ABCA7: variants seen among roughly 807,000 people sequenced by gnomAD.
ABCA7 encodes phospholipid-transporting ATPase ABCA7.
ABCA7 carries 261 observed loss-of-function variants against 227.6 expected under a neutral mutation model. The observed-to-expected ratio is 1.15, with a 90% confidence interval of 1.04 to 1.27. The LOEUF (loss-of-function observed/expected upper bound fraction) is 1.27. ABCA7 is among the 50% of genes most tolerant of loss of function. The pLI, the probability that ABCA7 is intolerant of heterozygous loss-of-function variation, is 0.00. For missense variants in ABCA7, 3,331 were observed against 2,924.5 expected (o/e 1.14, Z -3.21); for synonymous variants, 1,488 against 1,279.7 (o/e 1.16, Z -3.47).
Position 1,051,309 on chromosome 19 carries a change from A to G in ABCA7, c.2824+15A>G, listed in dbSNP as rs201158610. 8 of 1,581,872 alleles carry G rather than the reference A, an allele frequency of 5.1e-6. No homozygotes were observed. Among genetic ancestry groups the G allele is most frequent in the African/African-American group, 1.4e-5 (1 of 74,032 alleles). ...CCACCTCTCTGGTGAGCCCATCCCC[A>G]AGGGAGGTCACCTCACAGGGAGGGG... On this transcript the variant is annotated intron_variant, in intron 20 of 46. Transcript: ENST00000263094.
chr19:1,058,982 A>G, intron 39 of ABCA7, 41 bp from the exon 40 acceptor site: 1 of 1,613,290 alleles, frequency 6.2e-7, no homozygotes, highest in South Asian at 1.1e-5. Flanking sequence ...GGGTGCTCCC[A>G]CTGGCCCACT....
At position 1,046,219 on chromosome 19, in the gene ABCA7, C is replaced by T. The variant is rs1159407473; in HGVS notation, c.1446-11C>T. The T allele has an allele frequency of 3.7e-6, 6 of 1,605,378 alleles. No individual in the cohort carries two copies. Among genetic ancestry groups the T allele is most frequent in the Non-Finnish European group, 5.1e-6 (6 of 1,179,198 alleles). On this transcript the variant is annotated splice_polypyrimidine_tract_variant and intron_variant, in intron 12 of 46. Transcript: ENST00000263094. ...CCTTCCCTACAACCGGCCACCATGCCCCTCTCGCAGGTTTTGGGACCCTGG... is the reference window on the plus strand; with the variant it reads ...CCTTCCCTACAACCGGCCACCATGCTCCTCTCGCAGGTTTTGGGACCCTGG...
At chr19:1,060,947 G>C (rs1252846169) in intron 40 of ABCA7, among the ~76,000 whole-genome samples, 1 of 152,162 alleles carries the variant, frequency 6.6e-6, no homozygotes, top group Admixed American at 6.5e-5. Context: ...CCTGATATTT[G>C]TTGAGCACTG....
intron 13 of ABCA7, 137 bp downstream of exon 13, chr19:1,046,543 GC>G: frequency 7.8e-7 from 1 of 1,285,344 alleles, no homozygotes; most frequent in Non-Finnish European, 1.1e-6. Flanking sequence ...CACGTGACCT[GC>G]TGCAGCGGGA....
chr19:1,052,350 G>A, intron 23 of ABCA7, 64 bp downstream of exon 23: 2 of 1,367,442 alleles, frequency 1.5e-6, no homozygotes, highest in South Asian at 1.3e-5. Context: ...TTAACTTGAG[G>A]AGGAGGAGGG....
At position 1,056,115 on chromosome 19, in the gene ABCA7, C is replaced by T. The variant is rs776450580; in HGVS notation, c.4288C>T (p.Gln1430Ter). 1.2e-6 allele frequency: 2 copies of T among 1,608,150 alleles called. No homozygotes were observed. The highest frequency in any genetic ancestry group is 1.7e-5 in the Admixed American group (1 of 59,828). ...CCGAGACCCAGGCCTGCCCTCGGGC[C>T]AAGAGTTGGGCCGCTCAGTGGAGGA... ...GGRDPGLPSGQELGRSVEELW... is the reference protein window; with the variant it reads ...GGRDPGLPSG The change falls in exon 32 of 47, where the codon CAA becomes TAA. Residue 1430 changes from glutamine to a stop codon, truncating the protein, a stop_gained. Transcript: ENST00000263094. LOFTEE classifies it high-confidence loss of function. The surrounding 1 kb of genome is among the most constrained non-coding windows in gnomAD (Gnocchi z 4.3).
Position 1,063,578 on chromosome 19 carries a change from C to T in ABCA7, c.5747C>T (p.Ser1916Leu), listed in dbSNP as rs1158235129. ...TCGGGCCTGGCGCGTCTGGGACTCT[C>T]ATGGTACGCAGACCGGCCTGCAGGC... ...AGSGLARLGL[S>L]WYADRPAGTY... Residue 1916 changes from serine (S) to leucine (L), a missense_variant, in exon 43 of 47, where the codon TCA (serine) becomes TTA (leucine). By Grantham distance (145) the Ser-to-Leu change is moderately radical (BLOSUM62 -2). Coordinates refer to ENST00000263094, the MANE Select transcript of ABCA7 (RefSeq NM_019112.4). 3.1e-6 allele frequency: 5 copies of T among 1,611,190 alleles called. No homozygotes were observed. Among genetic ancestry groups the T allele is most frequent in the Middle Eastern group, 1.7e-4 (1 of 6,054 alleles).
Position 1,047,343 on chromosome 19 carries a change from C to A in ABCA7, c.2032C>A (p.Arg678=). Reference sequence around the variant, plus strand: ...GCCCTACGTGCTGTGTGTGGCTTGGCGGGACCGGCTGCCCGCGGGTGGCCG... The same window carrying A: ...GCCCTACGTGCTGTGTGTGGCTTGGAGGGACCGGCTGCCCGCGGGTGGCCG... ...YLPYVLCVAW[R]DRLPAGGRVA... is the part of the protein sequence containing the mutation. Residue 678 remains arginine (R), a synonymous_variant, in exon 15 of 47, where the codon CGG becomes AGG. Coordinates refer to ENST00000263094, the MANE Select transcript of ABCA7 (RefSeq NM_019112.4). 6.3e-7 allele frequency: 1 copy of A among 1,583,662 alleles called. No homozygotes were observed.
At chr19:1,052,326 G>GGGGT in intron 23 of ABCA7, 40 bp downstream of exon 23, 3 of 1,522,888 alleles carry the variant, frequency 2.0e-6, no homozygotes, top group Non-Finnish European at 2.6e-6. Context: ...GGTGGGCAGT[G>GGGGT]GGGTGGCTGT....
chr19:1,064,396 G>A (rs2042896691), intron 45 of ABCA7, 143 bp downstream of exon 45: 2 of 986,480 alleles, frequency 2.0e-6, no homozygotes, highest in Non-Finnish European at 2.9e-6. Flanking sequence ...GTCCTGCAGG[G>A]GTGACTGAGG....
intron 12 of ABCA7, 83 bp downstream of exon 12, chr19:1,045,314 A>G (rs2040511020): frequency 2.3e-6 from 3 of 1,282,654 alleles, no homozygotes; most frequent in Middle Eastern, 2.6e-4. Context: ...CATTCAGCCT[A>G]TTGGAGACCA....
rs1188921494 is a variant in ABCA7 at position 1,046,905 on chromosome 19, C to T, written c.1726C>T (p.Arg576Trp). ...GGCCGTGGTGCGGGAGAAGGAGACGCGGCTGCGGGACACCATGCGCGCCAT... is the reference window on the plus strand; with the variant it reads ...GGCCGTGGTGCGGGAGAAGGAGACGTGGCTGCGGGACACCATGCGCGCCAT... ...VKAVVREKET[R>W]LRDTMRAMGL... The change falls in exon 14 of 47, where the codon CGG (arginine) becomes TGG (tryptophan). Residue 576 changes from arginine to tryptophan, a missense_variant. Arg to Trp is a moderately radical substitution (Grantham distance 101). Transcript: ENST00000263094. 3 of 1,556,756 alleles carry T rather than the reference C, an allele frequency of 1.9e-6. No individual in the cohort carries two copies. Among genetic ancestry groups the T allele is most frequent in the South Asian group, 2.3e-5 (2 of 85,162 alleles).
chr19:1,054,628 C>T lies in ABCA7; in HGVS notation c.3785C>T (p.Pro1262Leu), dbSNP rs764926153. The T allele has an allele frequency of 1.2e-6, 2 of 1,613,446 alleles. No homozygotes were observed. The highest frequency in any genetic ancestry group is 1.7e-5 in the Admixed American group (1 of 60,018). ...CTCGTGTTCAGCCTCATCGTGCCTC[C>T]TTTCGGGCACTACCCGGCTCTGCGG... ...LALVFSLIVP[P>L]FGHYPALRLS... The change falls in exon 28 of 47, where the codon CCT (proline) becomes CTT (leucine). Residue 1262 changes from proline (P) to leucine (L), a missense_variant. Transcript: ENST00000263094. The surrounding 1 kb of genome is among the most constrained non-coding windows in gnomAD (Gnocchi z 4.8).
chr19:1,044,803 T>A, intron 11 of ABCA7, 59 bp downstream of exon 11: 2 of 1,536,318 alleles, frequency 1.3e-6, no homozygotes, highest in Non-Finnish European at 1.7e-6. Context: ...CCCATCCTAG[T>A]GTTCCCACCC....
intron 18 of ABCA7, 21 bp downstream of exon 18, chr19:1,049,458 T>G: frequency 1.3e-5 from 16 of 1,278,172 alleles, no homozygotes; most frequent in East Asian, 3.2e-5. Flanking sequence ...AACCACTCCC[T>G]CCCCGTGAGC....
At chr19:1,051,130 ACT>A (rs2144813616) in intron 19 of ABCA7, 23 bp from the exon 20 acceptor site, 1 of 1,609,480 alleles carries the variant, frequency 6.2e-7, no homozygotes, top group South Asian at 1.1e-5. Flanking sequence ...CATGTGGGTC[ACT>A]CTGCTCTGTG....
Position 1,054,387 on chromosome 19 carries a change from C to A in ABCA7, c.3726+46C>A. The A allele has an allele frequency of 6.4e-7, 1 of 1,563,570 alleles. No homozygotes were observed. The highest frequency in any genetic ancestry group is 8.6e-7 in the Non-Finnish European group (1 of 1,158,018). ...GGAGTCGCATGGGAGTCCCTGAGTTCCCTACCCTGGCCGTCCACTCAGTGG... is the reference window on the plus strand; with the variant it reads ...GGAGTCGCATGGGAGTCCCTGAGTTACCTACCCTGGCCGTCCACTCAGTGG... On this transcript the variant is annotated intron_variant, in intron 27 of 46. Transcript: ENST00000263094. This position sits in a 1 kb window ranked among gnomAD's most constrained non-coding sequence, Gnocchi z 4.8.
rs544307195 is a variant in ABCA7, at chr19:1,064,263, C to T, written c.6044+10C>T. On this transcript the variant is annotated intron_variant, in intron 45 of 46. Transcript: ENST00000263094. The stretch of plus-strand genomic sequence containing the variant: ...AACATCTCAAGGGCAGGTGAGCCGG[C>T]GCGGCCTCCAGGCAGGTGTGGGGTG... 76 of 1,550,044 alleles carry T rather than the reference C, an allele frequency of 4.9e-5. 3 individuals are homozygous for T. In the South Asian group the frequency reaches 8.9e-4, roughly 18 times the overall value.
Position 1,065,255 on chromosome 19 carries a change from G to A in ABCA7, c.6286-15G>A, listed in dbSNP as rs202186753. The stretch of plus-strand genomic sequence containing the variant: ...TGACCGTCCCTCTTGTCCCCTCTGG[G>A]CTGCCCACCGCTAGGTATTCTTGTA... On this transcript the variant is annotated splice_polypyrimidine_tract_variant and intron_variant, in intron 46 of 46. Coordinates refer to ENST00000263094, the MANE Select transcript of ABCA7 (RefSeq NM_019112.4). 6 of 1,612,696 alleles carry A rather than the reference G, an allele frequency of 3.7e-6. No homozygotes were observed. The East Asian group carries it at 1.3e-4, about 36-fold the overall frequency.
Sources: gnomAD v4.1 joint callset for allele counts (sites outside exome capture counted in the v4.1 genomes callset) on GRCh38, gnomAD v4.1.1 for gene constraint, Gnocchi (gnomAD v3.1) non-coding constraint, MANE v1.5 for transcripts, NCBI Gene and HGNC (gene_info 2026-07-23, HGNC 2026-07-21) for gene names.